ABCA12: variants seen among roughly 807,000 people sequenced by gnomAD.
The protein encoded by ABCA12 is glucosylceramide transporter ABCA12.
ABCA12 carries 156 observed loss-of-function variants against 293.5 expected under a neutral mutation model. That is an observed-to-expected ratio of 0.53 (90% confidence interval 0.47 to 0.61). The LOEUF (loss-of-function observed/expected upper bound fraction) is 0.61, where lower values mean the gene tolerates loss of function less well. Among genes scored for constraint, ABCA12 ranks in the 20% least tolerant of loss-of-function variants. The pLI is 0.00. For synonymous variants in ABCA12, 1,063 were observed against 1,108.0 expected (o/e 0.96, Z 0.81); for missense variants, 2,797 against 3,090.2 (o/e 0.91, Z 2.25).
rs572554963 is a variant in ABCA12 at position 215,115,970 on chromosome 2, A to C, written c.70-4280T>G. On this transcript the variant is annotated intron_variant, in intron 1 of 52. Transcript: ENST00000272895. ...GCAGTGGCAGGCGACCGATTTCATA[A>C]GAGCAGGTTGATGATAAAAGTAGAA... Among the ~76,000 whole-genome samples the C allele has an allele frequency of 2.2e-3, 339 of 152,316 alleles. 2 individuals are homozygous for C. The highest frequency in any genetic ancestry group is 7.9e-3 in the African/African-American group (327 of 41,568).
chr2:214,968,217 C>T (rs768226595), intron 38 of ABCA12, among the ~76,000 whole-genome samples: 2 of 152,078 alleles, frequency 1.3e-5, no homozygotes, highest in Non-Finnish European at 2.9e-5. Flanking sequence ...TTTTCCCTGA[C>T]CCTCTGTGTC....
At chr2:214,979,749 C>T (rs1018270168) in intron 31 of ABCA12, among the ~76,000 whole-genome samples, 3 of 152,114 alleles carry the variant, frequency 2.0e-5, no homozygotes, top group African/African-American at 7.2e-5. Context: ...GCACCTAATA[C>T]ATAAATGTCT....
rs182667990 is a variant in ABCA12, at chr2:214,963,109, A to T, written c.5884+3739T>A. The T allele has an allele frequency of 2.4e-3, 359 of 152,148 alleles. 5 individuals are homozygous for T. The highest frequency in any genetic ancestry group is 7.9e-3 in the African/African-American group (328 of 41,536). 9.4% of individuals were successfully genotyped at this position (152,148 alleles called of 1,614,324 possible). A position where few individuals can be genotyped will look rare whatever the true frequency, so the allele number is the denominator to read the frequency against. On this transcript the variant is annotated intron_variant, in intron 39 of 52. Coordinates refer to ENST00000272895, the MANE Select transcript of ABCA12 (RefSeq NM_173076.3). ...GGAGATAGAGACACAAAAAATCCTT[A>T]AAAAAATCAACGAATCCAGGAGCTG... is the stretch of plus-strand genomic sequence containing the variant.
chr2:215,119,947 T>A (rs1232237811), intron 1 of ABCA12, among the ~76,000 whole-genome samples: 1 of 152,002 alleles, frequency 6.6e-6, no homozygotes, highest in East Asian at 1.9e-4. Flanking sequence ...GGAAAAAAGA[T>A]CATTATACCA....
In ABCA12 at chr2:215,007,779, G is replaced by A. The variant is rs2105997237; in HGVS notation, c.2540C>T (p.Pro847Leu). ...EKSQEWMDKS[P>L]LFMNSFHLLN... ...CAGATGGAAGGAATTCATGAAAAGTGGCGACTTATCCATCCACTCTTGAGA... is the reference window on the plus strand; with the variant it reads ...CAGATGGAAGGAATTCATGAAAAGTAGCGACTTATCCATCCACTCTTGAGA... Residue 847 changes from proline to leucine, a missense_variant, in exon 19 of 53, where the codon CCA becomes CTA. Transcript: ENST00000272895. The A allele has an allele frequency of 6.2e-7, 1 of 1,614,008 alleles. No homozygotes were observed. Among genetic ancestry groups the A allele is most frequent in the East Asian group, 2.2e-5 (1 of 44,842 alleles).
chr2:215,075,191 GAA>G (rs1002924380), intron 2 of ABCA12, among the ~76,000 whole-genome samples: 9 of 151,900 alleles, frequency 5.9e-5, no homozygotes, highest in African/African-American at 2.2e-4. Flanking sequence ...AAAGAGGGGG[GAA>G]AATTGAGTAA....
chr2:215,066,929 G>A (rs958957553), intron 2 of ABCA12, among the ~76,000 whole-genome samples: 1 of 152,068 alleles, frequency 6.6e-6, no homozygotes, highest in East Asian at 1.9e-4. Flanking sequence ...TGCTAGGCAT[G>A]TAACATTTAC....
intron 44 of ABCA12, 77 bp from the exon 45 acceptor site, chr2:214,951,160 T>A (rs147551923): frequency 7.9e-7 from 1 of 1,260,372 alleles, no homozygotes; most frequent in Non-Finnish European, 1.2e-6. Context: ...TTGATGGGTT[T>A]TCATGTCACT....
At chr2:215,022,757 C>A (rs1700658376) in intron 11 of ABCA12, 1 of 151,806 alleles carries the variant, frequency 6.6e-6, no homozygotes. Flanking sequence ...CTCACAATAG[C>A]AATGGGCATA....
chr2:215,099,610 T>G (rs1702313289), intron 2 of ABCA12, among the ~76,000 whole-genome samples: 1 of 151,572 alleles, frequency 6.6e-6, no homozygotes. Flanking sequence ...GTAGGATCAC[T>G]TGAACACAGG....
intron 5 of ABCA12, 96 bp from the exon 6 acceptor site, chr2:215,049,907 A>G: frequency 1.8e-6 from 2 of 1,135,398 alleles, no homozygotes; most frequent in Non-Finnish European, 2.6e-6. Flanking sequence ...TCTTCAAAAT[A>G]GCCATTTTGA....
chr2:215,055,474 T>C (rs539007674), intron 3 of ABCA12, among the ~76,000 whole-genome samples: 2 of 152,212 alleles, frequency 1.3e-5, no homozygotes, highest in Admixed American at 1.3e-4. Context: ...TAAGTATGTA[T>C]GTTTCAAAAA....
At chr2:215,125,014 T>C (rs1293705271) in intron 1 of ABCA12, among the ~76,000 whole-genome samples, 1 of 152,208 alleles carries the variant, frequency 6.6e-6, no homozygotes, top group Non-Finnish European at 1.5e-5. Flanking sequence ...TTCATCCTCC[T>C]ACATGTGGCT....
intron 2 of ABCA12, among the ~76,000 whole-genome samples, chr2:215,099,866 T>G (rs563454863): frequency 6.6e-6 from 1 of 152,260 alleles, no homozygotes; most frequent in South Asian, 2.1e-4. Context: ...CTTAACAAAC[T>G]TCCTTTAGTT....
In ABCA12 at chr2:214,955,326, C is replaced by T. The variant is rs373470929; in HGVS notation, c.6269G>A (p.Gly2090Glu). The change falls in exon 43 of 53, where the codon GGG becomes GAG. Residue 2090 changes from glycine (G) to glutamate (E), a missense_variant. Around this residue, in one of 3 missense-constraint regions of ABCA12, gnomAD observed 2,130 missense variants for 2,427.0 expected, o/e 0.88. Transcript: ENST00000272895. ...ATFSWMYLLAGLFHETGMAFI... is the reference protein window; with the variant it reads ...ATFSWMYLLAELFHETGMAFI... ...GGCCATTCCTGTTTCATGGAAGAGC[C>T]CAGCCAGCAAGTACATCCAGGAAAA... 3.2e-5 allele frequency: 52 copies of T among 1,614,112 alleles called. No homozygotes were observed. The African/African-American group carries it at 6.5e-4, about 20-fold the overall frequency.
In ABCA12 at chr2:214,937,492, C is replaced by G. The variant is rs1248192057; in HGVS notation, c.7542+18G>C. The G allele has an allele frequency of 1.2e-6, 2 of 1,601,206 alleles. No homozygotes were observed. Among genetic ancestry groups the G allele is most frequent in the African/African-American group, 2.7e-5 (2 of 74,630 alleles). On this transcript the variant is annotated intron_variant, in intron 51 of 52. Coordinates refer to ENST00000272895, the MANE Select transcript of ABCA12 (RefSeq NM_173076.3). ...GGATTACAGGCGTGAGCCACTGCACCCAGCCATCATCACTTACTTTTAAGT... is the reference window on the plus strand; with the variant it reads ...GGATTACAGGCGTGAGCCACTGCACGCAGCCATCATCACTTACTTTTAAGT...
chr2:215,089,144 T>C (rs1575036220), intron 2 of ABCA12, among the ~76,000 whole-genome samples: 2 of 152,088 alleles, frequency 1.3e-5, no homozygotes. Flanking sequence ...CTAAAGTAGA[T>C]TAACACCCAC....
chr2:215,135,994 G>C (rs1703217704), intron 1 of ABCA12, among the ~76,000 whole-genome samples: 1 of 152,044 alleles, frequency 6.6e-6, no homozygotes, highest in Non-Finnish European at 1.5e-5. Flanking sequence ...TCTTCTACAG[G>C]TCTCTCTTGT....
intron 1 of ABCA12, among the ~76,000 whole-genome samples, chr2:215,131,185 T>C (rs921345246): frequency 9.9e-5 from 15 of 152,106 alleles, no homozygotes; most frequent in African/African-American, 3.6e-4. Flanking sequence ...CCTGTAGTTT[T>C]CTTTTTTGTT....
Sources: allele counts gnomAD v4.1 joint callset (sites outside exome capture counted in the v4.1 genomes callset), GRCh38; gene constraint gnomAD v4.1.1; regional missense constraint gnomAD v4.1.1; transcripts MANE v1.5; gene names NCBI Gene and HGNC (gene_info 2026-07-23, HGNC 2026-07-21).